MAGI3: variants seen among roughly 807,000 people sequenced by gnomAD.
The protein encoded by MAGI3 is membrane associated guanylate kinase, WW and PDZ domain containing 3, also known as membrane-associated guanylate kinase, WW and PDZ domain-containing protein 3.
Under a neutral mutation model 121.8 loss-of-function variants are expected in MAGI3, and 43 were observed. That is an observed-to-expected ratio of 0.35 (90% CI 0.28 to 0.46). The LOEUF (loss-of-function observed/expected upper bound fraction) is 0.46. Ranked by LOEUF, MAGI3 falls within the 20% of genes least tolerant of loss-of-function variation. MAGI3 has a pLI of 1.00. For missense variants in MAGI3, 1,547 were observed against 1,797.3 expected, an observed-to-expected ratio of 0.86 and a Z score of 2.52; for synonymous variants, 553 against 639.3, an observed-to-expected ratio of 0.86 and a Z score of 2.04.
intron 1 of MAGI3, among the ~76,000 whole-genome samples, chr1:113,537,985 A>G (rs1246574632): frequency 2.0e-5 from 3 of 152,194 alleles, no homozygotes; most frequent in Admixed American, 6.5e-5. Context: ...TTGATGTATA[A>G]TAGAATTTTG....
At position 113,679,047 on chromosome 1, in the gene MAGI3, T is replaced by G. The variant is rs1035882627; in HGVS notation, c.3190-2151T>G. Among the ~76,000 whole-genome samples the G allele has an allele frequency of 4.6e-5, 7 of 152,362 alleles. No homozygotes were observed. The East Asian group carries it at 5.8e-4, about 13-fold the overall frequency. ...GTAATATGCCATTGTCTAATTTTTC[T>G]GTTTTGAAGCCAGTATCCTTCATTT... On this transcript the variant is annotated intron_variant, in intron 19 of 20. Coordinates refer to ENST00000307546, the MANE Select transcript of MAGI3 (RefSeq NM_001142782.2).
At chr1:113,479,247 G>A (rs1472133666) in intron 1 of MAGI3, among the ~76,000 whole-genome samples, 1 of 152,116 alleles carries the variant, frequency 6.6e-6, no homozygotes. Flanking sequence ...ACTCTCCATG[G>A]GCTGCACCCA....
chr1:113,476,633 T>TA (rs1463806558), intron 1 of MAGI3, among the ~76,000 whole-genome samples: 21 of 152,214 alleles, frequency 1.4e-4, no homozygotes, highest in Admixed American at 1.4e-3. Context: ...AGGAGAGCTT[T>TA]ACTTCCAATT....
At chr1:113,570,462 G>A (rs929409163) in intron 2 of MAGI3, among the ~76,000 whole-genome samples, 7 of 152,210 alleles carry the variant, frequency 4.6e-5, no homozygotes, top group East Asian at 3.9e-4. Context: ...TTGAGGAATC[G>A]CCACAGTGTC....
chr1:113,585,562 G>A lies in MAGI3; in HGVS notation c.729G>A (p.Glu243=), dbSNP rs149563102. 6.8e-6 allele frequency: 11 copies of A among 1,613,934 alleles called. No individual in the cohort carries two copies. The highest frequency in any genetic ancestry group is 1.3e-5 in the African/African-American group (1 of 74,884). Residue 243 remains glutamate (E), a synonymous_variant, in exon 4 of 21, where the codon GAG becomes GAA. Transcript: ENST00000307546. ...CTCTTCCTGAAGAGGAAGAAGATGA[G>A]GACAAGGAAGCTATTAATGGCAGTG... is the stretch of plus-strand genomic sequence containing the variant. ...DSSLPEEEED[E]DKEAINGSGN...
At chr1:113,649,008 G>A (rs1653004235) in intron 12 of MAGI3, among the ~76,000 whole-genome samples, 1 of 152,140 alleles carries the variant, frequency 6.6e-6, no homozygotes, top group African/African-American at 2.4e-5. Flanking sequence ...GGAAGTGAGA[G>A]TAAATGTTTC....
At chr1:113,482,533 C>T (rs1252799369) in intron 1 of MAGI3, among the ~76,000 whole-genome samples, 1 of 151,632 alleles carries the variant, frequency 6.6e-6, no homozygotes, top group Non-Finnish European at 1.5e-5. Flanking sequence ...GGCGAGGTCT[C>T]ACTATGTTGC....
At chr1:113,393,726 A>G (rs1309973226) in intron 1 of MAGI3, among the ~76,000 whole-genome samples, 1 of 152,226 alleles carries the variant, frequency 6.6e-6, no homozygotes, top group African/African-American at 2.4e-5. Flanking sequence ...CTTTATTGTG[A>G]TTCATTTTGG....
chr1:113,441,549 C>G (rs1229641600), intron 1 of MAGI3, among the ~76,000 whole-genome samples: 1 of 152,138 alleles, frequency 6.6e-6, no homozygotes, highest in Non-Finnish European at 1.5e-5. Flanking sequence ...CTATAAAATA[C>G]CACTATATAT....
At position 113,681,230 on chromosome 1, in the gene MAGI3, A is replaced by G; in HGVS notation, c.3222A>G (p.Glu1074=). The G allele has an allele frequency of 3.7e-6, 6 of 1,613,884 alleles. No individual in the cohort carries two copies. The highest frequency in any genetic ancestry group is 1.3e-5 in the African/African-American group (1 of 75,040). Residue 1074 remains glutamate, a synonymous_variant, in exon 20 of 21, where the codon GAA becomes GAG. Transcript: ENST00000307546. ...ACCAGATTGTTGAAATCAATGGGGA[A>G]CCTACACAAGGAATCACACATACTC... ...VGDQIVEING[E]PTQGITHTRA... is the part of the protein sequence containing the mutation.
intron 1 of MAGI3, among the ~76,000 whole-genome samples, chr1:113,446,492 A>T (rs1015841746): frequency 1.3e-5 from 2 of 152,348 alleles, no homozygotes; most frequent in African/African-American, 2.4e-5. Flanking sequence ...TGTATAAAGC[A>T]TATAGAAAAC....
intron 1 of MAGI3, among the ~76,000 whole-genome samples, chr1:113,510,898 T>G (rs1657583669): frequency 6.6e-6 from 1 of 152,220 alleles, no homozygotes; most frequent in Admixed American, 6.5e-5. Flanking sequence ...CAAATGTCCC[T>G]TGATTTCTCT....
chr1:113,489,638 A>C (rs1010020113), intron 1 of MAGI3, among the ~76,000 whole-genome samples: 9 of 152,186 alleles, frequency 5.9e-5, no homozygotes, highest in Non-Finnish European at 7.3e-5. Context: ...AGGAAGCTAA[A>C]AATCAGGATA....
intron 1 of MAGI3, among the ~76,000 whole-genome samples, chr1:113,463,906 G>T (rs1054861861): frequency 1.6e-4 from 24 of 151,804 alleles, no homozygotes; most frequent in Admixed American, 1.3e-4. Context: ...ATAGTTTAGG[G>T]GTACATGTGA....
rs547653942 is a variant in MAGI3 at position 113,392,222 on chromosome 1, T to G, written c.316+873T>G. ...CTTATGAATTTGTTATAGACAGCAT[T>G]GTTGGTTTTGTTTCAGCATAGATAG... On this transcript the variant is annotated intron_variant, in intron 1 of 20. Coordinates refer to ENST00000307546, the MANE Select transcript of MAGI3 (RefSeq NM_001142782.2). Among the ~76,000 whole-genome samples, 395 of 152,342 alleles carry G rather than the reference T, an allele frequency of 2.6e-3. 2 individuals are homozygous for G. Among genetic ancestry groups the G allele is most frequent in the African/African-American group, 9.1e-3 (379 of 41,580 alleles).
intron 1 of MAGI3, among the ~76,000 whole-genome samples, chr1:113,520,756 C>T (rs1290211025): frequency 6.6e-6 from 1 of 152,058 alleles, no homozygotes; most frequent in African/African-American, 2.4e-5. Flanking sequence ...GCGTAAGCCA[C>T]CACAAGTGGC....
chr1:113,615,024 G>A (rs973982140), intron 7 of MAGI3, among the ~76,000 whole-genome samples: 2 of 152,166 alleles, frequency 1.3e-5, no homozygotes, highest in Non-Finnish European at 2.9e-5. Flanking sequence ...CCTTCTGAAA[G>A]CAGTGGAAGA....
chr1:113,413,185 T>G (rs1652096328), intron 1 of MAGI3, among the ~76,000 whole-genome samples: 1 of 152,164 alleles, frequency 6.6e-6, no homozygotes, highest in South Asian at 2.1e-4. Context: ...ATCAGATGGT[T>G]GTGGATGTGT....
intron 2 of MAGI3, among the ~76,000 whole-genome samples, chr1:113,555,908 TTAC>T (rs149415047): frequency 0.067 from 10,163 of 151,824 alleles, 368 homozygotes; most frequent in African/African-American, 0.075. Flanking sequence ...AAGAAAGAAA[TTAC>T]TAACAGAAAG....
Sources: allele counts gnomAD v4.1 joint callset (sites outside exome capture counted in the v4.1 genomes callset), GRCh38; gene constraint gnomAD v4.1.1; transcripts MANE v1.5; gene names NCBI Gene and HGNC (gene_info 2026-07-23, HGNC 2026-07-21).